Variants in DCC observed in about 807,000 individuals in gnomAD.
DCC encodes netrin receptor DCC.
DCC carries 58 observed loss-of-function variants against 172.5 expected under a neutral mutation model. The ratio of observed to expected loss-of-function variants is 0.34; its 90% CI spans 0.27 to 0.42. DCC has a LOEUF of 0.42. Ranked by LOEUF, DCC falls within the 10% of genes least tolerant of loss-of-function variation. The pLI is 1.00. For missense variants in DCC, 1,740 were observed against 1,791.0 expected, an observed-to-expected ratio of 0.97 and a Z score of 0.51; for synonymous variants, 709 against 644.5, an observed-to-expected ratio of 1.10 and a Z score of -1.52.
chr18:52,655,043 A>G, intron 1 of DCC, among the ~76,000 whole-genome samples: 1 of 152,030 alleles, frequency 6.6e-6, no homozygotes, highest in Non-Finnish European at 1.5e-5. Flanking sequence ...TGAATGTACC[A>G]AAGTGGATGG....
intron 7 of DCC, among the ~76,000 whole-genome samples, chr18:53,108,179 A>AG (rs1481748992): frequency 0.25 from 1,043 of 4,248 alleles, 11 homozygotes; most frequent in African/African-American, 0.4. Context: ...ACATACACAG[A>AG]AAAACACACA....
chr18:52,958,856 A>G (rs1261575154), intron 5 of DCC, among the ~76,000 whole-genome samples: 1 of 152,152 alleles, frequency 6.6e-6, no homozygotes, highest in South Asian at 2.1e-4. Context: ...GGTTGAAGCT[A>G]GAAGTAAGGA....
chr18:52,818,977 G>A (rs1285118866), intron 2 of DCC, among the ~76,000 whole-genome samples: 1 of 152,130 alleles, frequency 6.6e-6, no homozygotes, highest in African/African-American at 2.4e-5. Context: ...ATTAGCTTGT[G>A]ACTTAACACT....
At chr18:52,884,390 T>C (rs2145410742) in intron 2 of DCC, among the ~76,000 whole-genome samples, 1 of 136,040 alleles carries the variant, frequency 7.4e-6, no homozygotes, top group African/African-American at 2.8e-5. Flanking sequence ...TTTTTATTCC[T>C]TTTTTTTTTA....
intron 1 of DCC, among the ~76,000 whole-genome samples, chr18:52,443,226 G>C (rs1247927922): frequency 3.3e-5 from 5 of 152,108 alleles, no homozygotes; most frequent in African/African-American, 1.2e-4. Flanking sequence ...CCTGTAATTA[G>C]ATTCATTGGA....
Position 53,254,181 on chromosome 18 carries a change from G to A in DCC, c.1911+38584G>A, listed in dbSNP as rs80046992. On this transcript the variant is annotated intron_variant, in intron 12 of 28. Coordinates refer to ENST00000442544, the MANE Select transcript of DCC (RefSeq NM_005215.4). ...TCAAGCAAATATCCTCACTCTTAGC[G>A]TAAATAAAAAGTCATCTGAGCAACA... 2.4e-3 allele frequency among the ~76,000 whole-genome samples: 362 copies of A among 152,114 alleles called. 1 individual carries two copies. The highest frequency in any genetic ancestry group is 0.012 in the East Asian group (64 of 5,180).
intron 2 of DCC, among the ~76,000 whole-genome samples, chr18:52,781,507 G>A (rs1188298882): frequency 1.3e-5 from 2 of 152,132 alleles, no homozygotes; most frequent in Non-Finnish European, 2.9e-5. Flanking sequence ...CTGAAAGGGA[G>A]TTTCTCACTT....
intron 15 of DCC, among the ~76,000 whole-genome samples, chr18:53,351,440 AGTGT>A: frequency 2.3e-5 from 1 of 43,774 alleles, no homozygotes; most frequent in African/African-American, 1.0e-4. Context: ...ATATATATAC[AGTGT>A]ATATATATAT....
intron 3 of DCC, among the ~76,000 whole-genome samples, 163 bp downstream of exon 3, chr18:52,906,491 G>T (rs1433739747): frequency 6.9e-6 from 1 of 144,536 alleles, no homozygotes; most frequent in African/African-American, 2.5e-5. Flanking sequence ...CAATCAGGTT[G>T]TACCAAAAGC....
At chr18:53,175,006 G>A (rs1439744909) in intron 8 of DCC, among the ~76,000 whole-genome samples, 3 of 151,954 alleles carry the variant, frequency 2.0e-5, no homozygotes, top group Non-Finnish European at 4.4e-5. Context: ...TCCCTGGGAT[G>A]CAAGGCTGGT....
chr18:52,790,761 C>T (rs1880189653), intron 2 of DCC, among the ~76,000 whole-genome samples: 1 of 152,154 alleles, frequency 6.6e-6, no homozygotes, highest in African/African-American at 2.4e-5. Flanking sequence ...TGCTCATCTC[C>T]AAAATTCTCT....
intron 1 of DCC, among the ~76,000 whole-genome samples, chr18:52,411,635 T>C (rs940083683): frequency 1.3e-5 from 2 of 152,150 alleles, no homozygotes; most frequent in Admixed American, 6.5e-5. Context: ...TCATTCATCA[T>C]GAATAGTGAA....
chr18:52,862,852 CTT>C (rs57529662), intron 2 of DCC, among the ~76,000 whole-genome samples: 7,131 of 152,198 alleles, frequency 0.047, 196 homozygotes, highest in Middle Eastern at 0.065. Context: ...TCTTCCCTCT[CTT>C]TTATTTCTTT....
intron 2 of DCC, among the ~76,000 whole-genome samples, chr18:52,814,947 G>C (rs1205653405): frequency 1.3e-5 from 2 of 152,088 alleles, no homozygotes; most frequent in African/African-American, 4.8e-5. Flanking sequence ...TGAGTTGCTT[G>C]AAAGACAATG....
chr18:53,084,765 C>A (rs1033264943), intron 7 of DCC, among the ~76,000 whole-genome samples: 1 of 152,188 alleles, frequency 6.6e-6, no homozygotes, highest in Non-Finnish European at 1.5e-5. Context: ...TATACAATAA[C>A]AAACATATGT....
intron 2 of DCC, among the ~76,000 whole-genome samples, chr18:52,834,058 T>C (rs528350594): frequency 6.6e-6 from 1 of 152,166 alleles, no homozygotes; most frequent in African/African-American, 2.4e-5. Flanking sequence ...AGAAAACAGG[T>C]CTCTCATCTG....
chr18:53,384,940 C>T (rs55934710), intron 15 of DCC, among the ~76,000 whole-genome samples: 104,542 of 149,980 alleles, frequency 0.7, 39,718 homozygotes, highest in Non-Finnish European at 0.86. Flanking sequence ...CTCCGCCTCC[C>T]AGGTTCACGC....
chr18:53,285,074 A>G (rs2056920425), intron 12 of DCC, among the ~76,000 whole-genome samples: 1 of 152,178 alleles, frequency 6.6e-6, no homozygotes, highest in African/African-American at 2.4e-5. Flanking sequence ...AACAGAAGAT[A>G]AAAGTCTGGA....
intron 1 of DCC, among the ~76,000 whole-genome samples, chr18:52,710,350 G>A (rs1910705048): frequency 6.6e-6 from 1 of 152,202 alleles, no homozygotes; most frequent in Admixed American, 6.5e-5. Flanking sequence ...CAGCTTGGGT[G>A]ACAGAGTGAG....
Sources: allele counts gnomAD v4.1 joint callset (sites outside exome capture counted in the v4.1 genomes callset), GRCh38; gene constraint gnomAD v4.1.1; transcripts MANE v1.5; gene names NCBI Gene and HGNC (gene_info 2026-07-23, HGNC 2026-07-21).